The following ZFPM2 variants were observed in gnomAD, a reference collection of about 807,000 sequenced individuals.
ZFPM2 encodes the protein zinc finger protein, FOG family member 2.
ZFPM2 carries 20 observed loss-of-function variants against 98.6 expected under a neutral mutation model. The observed-to-expected ratio is 0.20, with a 90% CI of 0.14 to 0.29. The LOEUF (loss-of-function observed/expected upper bound fraction) is 0.29. ZFPM2 is among the 10% of genes least tolerant of loss of function. The probability of loss-of-function intolerance (pLI) is 1.00; values close to 1 mark genes in which losing one functional copy is unlikely to be tolerated. For synonymous variants in ZFPM2, 518 were observed against 502.7 expected (o/e 1.03, Z -0.41); for missense variants, 1,310 against 1,388.6 (o/e 0.94, Z 0.90).
At chr8:105,699,681 T>C (rs1312814546) in intron 5 of ZFPM2, among the ~76,000 whole-genome samples, 1 of 152,164 alleles carries the variant, frequency 6.6e-6, no homozygotes, top group Non-Finnish European at 1.5e-5. Context: ...GTAACTGTGA[T>C]CAAATATTGA....
intron 5 of ZFPM2, among the ~76,000 whole-genome samples, chr8:105,709,271 A>G (rs2130972148): frequency 6.6e-6 from 1 of 152,306 alleles, no homozygotes; most frequent in South Asian, 2.1e-4. Flanking sequence ...TACTATGGAA[A>G]TCTTCAAATA....
At chr8:105,553,372 TG>T (rs1814908340) in intron 3 of ZFPM2, among the ~76,000 whole-genome samples, 1 of 152,208 alleles carries the variant, frequency 6.6e-6, no homozygotes, top group Non-Finnish European at 1.5e-5. Context: ...TCTTATATGA[TG>T]CTGTACACAT....
intron 3 of ZFPM2, among the ~76,000 whole-genome samples, chr8:105,532,953 G>A (rs1814327498): frequency 6.6e-6 from 1 of 152,110 alleles, no homozygotes; most frequent in African/African-American, 2.4e-5. Context: ...GGCAGGGAAT[G>A]TCTGTATCAC....
chr8:105,393,153 T>G (rs1284651372), intron 1 of ZFPM2, among the ~76,000 whole-genome samples: 1 of 152,178 alleles, frequency 6.6e-6, no homozygotes, highest in Non-Finnish European at 1.5e-5. Flanking sequence ...ACCAATCCAA[T>G]CAGTCTGATT....
At chr8:105,332,329 G>C (rs572211325) in intron 1 of ZFPM2, among the ~76,000 whole-genome samples, 1 of 151,816 alleles carries the variant, frequency 6.6e-6, no homozygotes, top group African/African-American at 2.4e-5. Context: ...GTGTGACCTA[G>C]TCTTGTTCAC....
At chr8:105,710,565 A>G (rs1811360862) in intron 5 of ZFPM2, among the ~76,000 whole-genome samples, 1 of 152,174 alleles carries the variant, frequency 6.6e-6, no homozygotes, top group South Asian at 2.1e-4. Context: ...GAAAGAAATT[A>G]TCTTGGTAAT....
chr8:105,430,373 C>T (rs1309602295), intron 2 of ZFPM2, among the ~76,000 whole-genome samples: 1 of 152,144 alleles, frequency 6.6e-6, no homozygotes, highest in Non-Finnish European at 1.5e-5. Context: ...AGTTTGTTTT[C>T]AACTTCCTAA....
intron 3 of ZFPM2, among the ~76,000 whole-genome samples, chr8:105,547,271 G>A (rs1343274402): frequency 1.3e-5 from 2 of 151,968 alleles, no homozygotes; most frequent in Admixed American, 6.6e-5. Flanking sequence ...GGCCAGGCCT[G>A]GTGGCTCACA....
intron 3 of ZFPM2, among the ~76,000 whole-genome samples, chr8:105,511,185 T>G (rs1813810670): frequency 6.6e-6 from 1 of 152,252 alleles, no homozygotes; most frequent in Admixed American, 6.5e-5. Flanking sequence ...TCCAACTCCC[T>G]CATCCTTCAG....
intron 4 of ZFPM2, among the ~76,000 whole-genome samples, chr8:105,624,361 A>G (rs906171577): frequency 1.3e-5 from 2 of 152,234 alleles, no homozygotes; most frequent in African/African-American, 4.8e-5. Context: ...GCTGTATAAA[A>G]TAAAAGGTTG....
At chr8:105,652,982 A>T (rs1817210528) in intron 5 of ZFPM2, among the ~76,000 whole-genome samples, 1 of 152,198 alleles carries the variant, frequency 6.6e-6, no homozygotes, top group South Asian at 2.1e-4. Context: ...TTTCAATCAA[A>T]TGTTCTCACC....
At chr8:105,514,548 T>C (rs1166866623) in intron 3 of ZFPM2, among the ~76,000 whole-genome samples, 4 of 152,154 alleles carry the variant, frequency 2.6e-5, no homozygotes, top group African/African-American at 9.7e-5. Flanking sequence ...CCCAGCTCTG[T>C]TGGTTTTTGT....
intron 5 of ZFPM2, among the ~76,000 whole-genome samples, chr8:105,725,136 G>A (rs1470138424): frequency 6.6e-6 from 1 of 151,606 alleles, no homozygotes; most frequent in Non-Finnish European, 1.5e-5. Context: ...ATTTTCTACA[G>A]TGCCAATTCT....
intron 5 of ZFPM2, among the ~76,000 whole-genome samples, chr8:105,725,630 T>G (rs1213544312): frequency 6.6e-6 from 1 of 151,828 alleles, no homozygotes; most frequent in East Asian, 2.0e-4. Context: ...ATTTGAGCAA[T>G]GGTCTAATTT....
chr8:105,593,738 A>G (rs1815902232), intron 4 of ZFPM2, among the ~76,000 whole-genome samples: 1 of 151,964 alleles, frequency 6.6e-6, no homozygotes, highest in African/African-American at 2.4e-5. Context: ...TTGAACACAC[A>G]CACAACTTTG....
At chr8:105,489,466 A>ATATATATATATATATATAT (rs1554610604) in intron 3 of ZFPM2, among the ~76,000 whole-genome samples, 1 of 119,810 alleles carries the variant, frequency 8.3e-6, no homozygotes, top group African/African-American at 3.6e-5. Flanking sequence ...ATATATATAT[A>ATATATATATATATATATAT]TTTTTTTTTT....
In ZFPM2 at chr8:105,388,572, G is replaced by A. The variant is rs76101774; in HGVS notation, c.41-30572G>A. Among the ~76,000 whole-genome samples, 39 of 152,240 alleles carry A rather than the reference G, an allele frequency of 2.6e-4. No homozygotes were observed. In the East Asian group the frequency reaches 7.2e-3, roughly 28 times the overall value. On this transcript the variant is annotated intron_variant, in intron 1 of 7. Coordinates refer to ENST00000407775, the MANE Select transcript of ZFPM2 (RefSeq NM_012082.4). ...GGCAGTCAAAAATGCAGTAAGCTCCGACTACATGCGGGCAGTAGAAAACCA... is the reference window on the plus strand; with the variant it reads ...GGCAGTCAAAAATGCAGTAAGCTCCAACTACATGCGGGCAGTAGAAAACCA...
chr8:105,625,123 T>C (rs1361713887), intron 4 of ZFPM2, among the ~76,000 whole-genome samples: 2 of 152,204 alleles, frequency 1.3e-5, no homozygotes, highest in Admixed American at 1.3e-4. Context: ...AATTATATAG[T>C]GTAGTGGTTC....
At chr8:105,648,034 C>A (rs1694732260) in intron 5 of ZFPM2, among the ~76,000 whole-genome samples, 1 of 152,212 alleles carries the variant, frequency 6.6e-6, no homozygotes, top group Admixed American at 6.5e-5. Context: ...TCCTCTCCAG[C>A]ACCTGTGGTT....
Sources: allele counts gnomAD v4.1 joint callset (sites outside exome capture counted in the v4.1 genomes callset), GRCh38; gene constraint gnomAD v4.1.1; transcripts MANE v1.5; gene names NCBI Gene and HGNC (gene_info 2026-07-23, HGNC 2026-07-21).